POLA1: variants seen among roughly 807,000 people sequenced by gnomAD.
POLA1 encodes DNA polymerase alpha 1, catalytic subunit.
A neutral mutation model predicts 124.0 loss-of-function variants in POLA1; 15 were observed. The observed-to-expected ratio is 0.12, with a 90% CI of 0.08 to 0.19. POLA1 has a LOEUF of 0.19. POLA1 is among the 10% of genes least tolerant of loss of function. POLA1 has a pLI of 1.00. For synonymous variants in POLA1, 408 were observed against 389.4 expected (o/e 1.05, Z -0.56); for missense variants, 886 against 1,103.4 (o/e 0.80, Z 2.79).
At chrX:24,754,664 C>T (rs775061942) in intron 26 of POLA1, among the ~76,000 whole-genome samples, 8 of 111,693 alleles carry the variant, frequency 7.2e-5, no homozygotes, top group African/African-American at 2.6e-4. Context: ...TTTTCTTTTT[C>T]GGAGGTAACT....
intron 34 of POLA1, among the ~76,000 whole-genome samples, chrX:24,887,485 C>T (rs767192153): frequency 9.8e-5 from 11 of 111,936 alleles, no homozygotes; most frequent in Non-Finnish European, 1.5e-4. Flanking sequence ...TCTTTTATGC[C>T]AAATATAATC....
At chrX:24,740,609 C>T (rs1931573712) in intron 20 of POLA1, among the ~76,000 whole-genome samples, 1 of 111,763 alleles carries the variant, frequency 8.9e-6, no homozygotes, top group African/African-American at 3.2e-5. Context: ...CAATGTGTCT[C>T]TATGTCGTTA....
chrX:24,722,721 CTCTTTTTTTTT>C (rs112203577), intron 10 of POLA1, among the ~76,000 whole-genome samples: 4,899 of 111,720 alleles, frequency 0.044, 286 homozygotes, highest in African/African-American at 0.15. Flanking sequence ...ATGTTTGTTT[CTCTTTTTTTTT>C]TCTTGAGACA....
intron 35 of POLA1, among the ~76,000 whole-genome samples, chrX:24,904,850 C>T (rs2047337333): frequency 9.0e-6 from 1 of 110,847 alleles, no homozygotes; most frequent in African/African-American, 3.3e-5. Flanking sequence ...CATGGCAAAA[C>T]CCTGTCTCTA....
chrX:24,935,954 G>A lies in POLA1; in HGVS notation c.4261+5405G>A, dbSNP rs769575794. On this transcript the variant is annotated intron_variant, in intron 36 of 36. Transcript: ENST00000379068. Reference sequence around the variant, plus strand: ...TCTTTGCAAGTGATACTGAAGGTAGGTAACATGTTAGTGTGTGTTATTTTG... The same window carrying A: ...TCTTTGCAAGTGATACTGAAGGTAGATAACATGTTAGTGTGTGTTATTTTG... 2.7e-5 allele frequency among the ~76,000 whole-genome samples: 3 copies of A among 112,812 alleles called. No homozygotes were observed. The South Asian group carries it at 1.1e-3, about 41-fold the overall frequency.
chrX:24,732,834 G>A (rs1260786657), intron 16 of POLA1, among the ~76,000 whole-genome samples: 1 of 111,306 alleles, frequency 9.0e-6, no homozygotes. Flanking sequence ...TCTGTGTGAT[G>A]AGGCAAGATG....
At position 24,717,442 on chromosome X, in the gene POLA1, G is replaced by C. The variant is rs1194553931; in HGVS notation, c.859G>C (p.Glu287Gln). 1 of 1,212,023 alleles carries C rather than the reference G, an allele frequency of 8.3e-7. No homozygotes were observed. The highest frequency in any genetic ancestry group is 1.1e-6 in the Non-Finnish European group (1 of 895,526). ...KAWDKESEPA[E>Q]EVKQEADSGK... ...TTGGGACAAAGAGAGTGAGCCAGCA[G>C]AGGAAGTGAAACAAGAGGCGGATTC... Residue 287 changes from glutamate (E) to glutamine (Q), a missense_variant, in exon 9 of 37, where the codon GAG becomes CAG. Around this residue, in one of 7 missense-constraint regions of POLA1, gnomAD observed 337 missense variants for 402.8 expected, o/e 0.84. Transcript: ENST00000379068.
At position 24,753,081 on chromosome X, in the gene POLA1, G is replaced by A. The variant is rs568849975; in HGVS notation, c.2964+4089G>A. Among the ~76,000 whole-genome samples, 27 of 106,567 alleles carry A rather than the reference G, an allele frequency of 2.5e-4. 2 individuals are homozygous for A. The South Asian group carries it at 0.01, about 41-fold the overall frequency. The allele number at this position is 106,567 out of a possible 115,157, so 92.5% of individuals were successfully genotyped here. ...GGCTGGAGTGCAGTGGTGCCATCTC[G>A]GCTCACTGCAAGCTCCGCCTCCCGG... On this transcript the variant is annotated intron_variant, in intron 26 of 36. Transcript: ENST00000379068.
chrX:24,798,682 G>C, intron 26 of POLA1, among the ~76,000 whole-genome samples: 1 of 110,472 alleles, frequency 9.1e-6, no homozygotes, highest in East Asian at 2.8e-4. Flanking sequence ...CAAGGTTTCT[G>C]GTCAACGGTA....
chrX:24,935,015 C>T (rs1452004464), intron 36 of POLA1, among the ~76,000 whole-genome samples: 1 of 111,851 alleles, frequency 8.9e-6, no homozygotes, highest in Non-Finnish European at 1.9e-5. Context: ...GCCACCACAC[C>T]CGGCCAGGTC....
At chrX:24,857,353 A>G (rs1370621448) in intron 34 of POLA1, among the ~76,000 whole-genome samples, 1 of 111,678 alleles carries the variant, frequency 9.0e-6, no homozygotes, top group Non-Finnish European at 1.9e-5. Context: ...GTATAGTGCA[A>G]TTCTTCCATT....
At chrX:24,742,176 A>C in intron 22 of POLA1, 55 bp downstream of exon 22, 1 of 677,788 alleles carries the variant, frequency 1.5e-6, no homozygotes, top group Non-Finnish European at 2.1e-6. Context: ...CCCCCCTTTT[A>C]ATACCTAGAT....
In POLA1 at chrX:24,939,075, A is replaced by G. The variant is rs191066077; in HGVS notation, c.4261+8526A>G. On this transcript the variant is annotated intron_variant, in intron 36 of 36. Coordinates refer to ENST00000379068, the MANE Select transcript of POLA1 (RefSeq NM_001330360.2). ...TGATAACAGATGTGTTACTCGTTCTATAAAATCATTTCGCATTATGTCTTT... is the reference window on the plus strand; with the variant it reads ...TGATAACAGATGTGTTACTCGTTCTGTAAAATCATTTCGCATTATGTCTTT... Among the ~76,000 whole-genome samples the G allele has an allele frequency of 3.2e-3, 354 of 112,180 alleles. 1 individual carries two copies. Among genetic ancestry groups the G allele is most frequent in the African/African-American group, 0.011 (339 of 30,886 alleles).
chrX:24,980,610 G>T (rs954362367), intron 36 of POLA1, among the ~76,000 whole-genome samples: 1 of 110,152 alleles, frequency 9.1e-6, no homozygotes, highest in Admixed American at 9.6e-5. Flanking sequence ...TGTGTGTGTT[G>T]CCATATCTAG....
intron 34 of POLA1, among the ~76,000 whole-genome samples, chrX:24,849,719 C>T (rs965276073): frequency 5.6e-5 from 6 of 107,824 alleles, no homozygotes; most frequent in African/African-American, 1.4e-4. Flanking sequence ...CAAGCTCTGC[C>T]TCCTGGGTTC....
At chrX:24,858,903 A>G (rs955315022) in intron 34 of POLA1, among the ~76,000 whole-genome samples, 1 of 111,581 alleles carries the variant, frequency 9.0e-6, no homozygotes, top group African/African-American at 3.3e-5. Flanking sequence ...TATACATTGT[A>G]TTTTGCACAG....
chrX:24,788,242 G>A, intron 26 of POLA1: 1 of 562,924 alleles, frequency 1.8e-6, no homozygotes, highest in South Asian at 3.7e-5. Flanking sequence ...TGTATGACAA[G>A]CCCACAGCTA....
Position 24,930,508 on chromosome X carries a change from C to T in POLA1, c.4220C>T (p.Ala1407Val), listed in dbSNP as rs1453680052. 2 of 1,191,881 alleles carry T rather than the reference C, an allele frequency of 1.7e-6. No homozygotes were observed. Among genetic ancestry groups the T allele is most frequent in the East Asian group, 3.0e-5 (1 of 33,771 alleles). The stretch of plus-strand genomic sequence containing the variant: ...TGCTTTTACCGGTACATTTTTGATG[C>T]GGAGTGTGCACTGGAGAAACTTACT... ...QLCFYRYIFD[A>V]ECALEKLTTD... is the part of the protein sequence containing the mutation. Residue 1407 changes from alanine (A) to valine (V), a missense_variant, in exon 36 of 37, where the codon GCG (alanine) becomes GTG (valine). Ala to Val is a moderately conservative substitution (Grantham distance 64). Coordinates refer to ENST00000379068, the MANE Select transcript of POLA1 (RefSeq NM_001330360.2).
chrX:24,883,439 G>A lies in POLA1; in HGVS notation c.4048-4567G>A, dbSNP rs763713406. On this transcript the variant is annotated intron_variant, in intron 34 of 36. Coordinates refer to ENST00000379068, the MANE Select transcript of POLA1 (RefSeq NM_001330360.2). ...CAAATGAATAACAGTTTGTGTTTAA[G>A]GTGCAACTACTAGGAACGCCTCAGT... Among the ~76,000 whole-genome samples, 36 of 112,127 alleles carry A rather than the reference G, an allele frequency of 3.2e-4. No individual in the cohort carries two copies. In the Admixed American group the frequency reaches 3.2e-3, roughly 10 times the overall value.
Sources: allele counts gnomAD v4.1 joint callset (sites outside exome capture counted in the v4.1 genomes callset), GRCh38; gene constraint gnomAD v4.1.1; regional missense constraint gnomAD v4.1.1; transcripts MANE v1.5; gene names NCBI Gene and HGNC (gene_info 2026-07-23, HGNC 2026-07-21).